The following NHSL2 variants were observed in gnomAD, a reference collection of about 807,000 sequenced individuals.
The protein encoded by NHSL2 is NHS like 2, also known as NHS-like protein 2.
A neutral mutation model predicts 53.4 loss-of-function variants in NHSL2; 27 were observed. The observed-to-expected ratio is 0.51, with a 90% CI of 0.37 to 0.70. The LOEUF (loss-of-function observed/expected upper bound fraction) is 0.70, where lower values mean the gene tolerates loss of function less well. Ranked by LOEUF, NHSL2 falls within the 30% of genes least tolerant of loss-of-function variation. NHSL2 has a pLI of 0.00. For missense variants in NHSL2, 892 were observed against 980.1 expected, an observed-to-expected ratio of 0.91 and a Z score of 1.20; for synonymous variants, 408 against 404.1, an observed-to-expected ratio of 1.01 and a Z score of -0.12.
At chrX:71,983,113 A>C (rs2041987159) in intron 1 of NHSL2, among the ~76,000 whole-genome samples, 1 of 111,550 alleles carries the variant, frequency 9.0e-6, no homozygotes, top group South Asian at 3.8e-4. Context: ...AAAATCCCAC[A>C]CATTTGGTTA....
intron 1 of NHSL2, among the ~76,000 whole-genome samples, chrX:72,097,712 C>T (rs1165431522): frequency 8.9e-6 from 1 of 111,899 alleles, no homozygotes; most frequent in Non-Finnish European, 1.9e-5. Flanking sequence ...CTGAGGTTCC[C>T]ATCTGCCCTG....
intron 1 of NHSL2, among the ~76,000 whole-genome samples, chrX:72,023,917 T>A (rs1211289916): frequency 9.0e-6 from 1 of 110,789 alleles, no homozygotes; most frequent in African/African-American, 3.3e-5. Context: ...TAGGAGGAAA[T>A]GGAACCGACG....
chrX:72,086,821 T>C (rs1054656675), intron 1 of NHSL2, among the ~76,000 whole-genome samples: 1 of 110,660 alleles, frequency 9.0e-6, no homozygotes, highest in African/African-American at 3.3e-5. Context: ...CTCATTACAG[T>C]AAAGCTGATT....
chrX:71,950,434 G>GA (rs2041815197), intron 1 of NHSL2, among the ~76,000 whole-genome samples: 2 of 112,494 alleles, frequency 1.8e-5, no homozygotes, highest in African/African-American at 6.5e-5. Flanking sequence ...ACTGGGACTG[G>GA]AAAAAAAGCA....
chrX:71,984,721 T>A lies in NHSL2; in HGVS notation c.280+73354T>A, dbSNP rs766730173. 1.2e-4 allele frequency among the ~76,000 whole-genome samples: 14 copies of A among 112,791 alleles called. No homozygotes were observed. In the South Asian group the frequency reaches 5.1e-3, roughly 41 times the overall value. On this transcript the variant is annotated intron_variant, in intron 1 of 7. Transcript: ENST00000633930. ...AAGGTAAATCATGGTAAGACTGATTTGCTTTATTATACCTGGTTGGACTGT... is the reference window on the plus strand; with the variant it reads ...AAGGTAAATCATGGTAAGACTGATTAGCTTTATTATACCTGGTTGGACTGT...
chrX:72,131,700 C>G, intron 1 of NHSL2: 2 of 431,390 alleles, frequency 4.6e-6, no homozygotes, highest in Non-Finnish European at 7.1e-6. Flanking sequence ...GGGGCGAGCT[C>G]GGAGGGCGGC....
chrX:71,917,013 T>G (rs1274893891), intron 1 of NHSL2, among the ~76,000 whole-genome samples: 10 of 111,872 alleles, frequency 8.9e-5, no homozygotes, highest in Admixed American at 7.6e-4. Context: ...TCTGTGGAAC[T>G]CCACAATTTC....
chrX:71,912,554 A>T (rs965896762), intron 1 of NHSL2, among the ~76,000 whole-genome samples: 1 of 104,907 alleles, frequency 9.5e-6, no homozygotes, highest in Non-Finnish European at 2.0e-5. Context: ...GAAGGACTGG[A>T]GTCAGGCCCT....
chrX:71,968,496 T>A (rs905105410), intron 1 of NHSL2, among the ~76,000 whole-genome samples: 15 of 112,605 alleles, frequency 1.3e-4, no homozygotes, highest in Admixed American at 3.7e-4. Context: ...CTTTCTGCCC[T>A]TTTTTGTATG....
chrX:72,085,621 T>C (rs1038471570), intron 1 of NHSL2, among the ~76,000 whole-genome samples: 1 of 111,930 alleles, frequency 8.9e-6, no homozygotes, highest in Admixed American at 9.5e-5. Flanking sequence ...AGCAAAACTT[T>C]CTTGGTTTGA....
chrX:71,986,589 G>T (rs1232330361), intron 1 of NHSL2, among the ~76,000 whole-genome samples: 2 of 111,887 alleles, frequency 1.8e-5, no homozygotes, highest in Non-Finnish European at 3.8e-5. Flanking sequence ...TTTCATATTT[G>T]CATTAGTGCA....
chrX:71,985,261 CTGTCAGAAGG>C (rs1212492700), intron 1 of NHSL2, among the ~76,000 whole-genome samples: 1 of 111,806 alleles, frequency 8.9e-6, no homozygotes, highest in East Asian at 2.8e-4. Context: ...GCTCCTGGGC[CTGTCAGAAGG>C]TGACATTCTT....
At chrX:72,105,480 A>T (rs1326620105) in intron 1 of NHSL2, among the ~76,000 whole-genome samples, 1 of 111,337 alleles carries the variant, frequency 9.0e-6, no homozygotes, top group Admixed American at 9.5e-5. Context: ...CTTTCCCCCA[A>T]CCTCTCTCAC....
intron 1 of NHSL2, among the ~76,000 whole-genome samples, chrX:72,118,203 A>G (rs890276487): frequency 1.8e-5 from 2 of 111,621 alleles, no homozygotes; most frequent in Non-Finnish European, 3.8e-5. Context: ...GGTTTTTATT[A>G]GCATTTCCCT....
At chrX:71,941,376 A>G (rs887670394) in intron 1 of NHSL2, among the ~76,000 whole-genome samples, 2 of 111,344 alleles carry the variant, frequency 1.8e-5, no homozygotes, top group African/African-American at 6.5e-5. Context: ...TCAGGGATCT[A>G]TGTCTGGTCC....
intron 1 of NHSL2, among the ~76,000 whole-genome samples, chrX:71,947,815 A>G (rs1000133573): frequency 1.8e-5 from 2 of 111,937 alleles, no homozygotes; most frequent in African/African-American, 6.5e-5. Flanking sequence ...AACGTCGTAT[A>G]TTCTCACTCA....
chrX:71,943,971 A>G (rs191803325), intron 1 of NHSL2, among the ~76,000 whole-genome samples: 189 of 111,953 alleles, frequency 1.7e-3, no homozygotes, highest in African/African-American at 5.9e-3. Context: ...AGAAGGAGCA[A>G]AGGTTTTCTG....
intron 1 of NHSL2, among the ~76,000 whole-genome samples, chrX:71,927,903 C>G (rs2041693790): frequency 8.9e-6 from 1 of 112,026 alleles, no homozygotes; most frequent in African/African-American, 3.2e-5. Flanking sequence ...AGCCTGACAT[C>G]TCTTTCCATT....
intron 1 of NHSL2, among the ~76,000 whole-genome samples, chrX:72,101,005 G>A (rs1198275138): frequency 1.8e-5 from 2 of 108,689 alleles, no homozygotes; most frequent in Non-Finnish European, 3.8e-5. Flanking sequence ...TGTTCACAGC[G>A]TCTCATCACA....
Sources: gnomAD v4.1 joint callset for allele counts (sites outside exome capture counted in the v4.1 genomes callset) on GRCh38, gnomAD v4.1.1 for gene constraint, MANE v1.5 for transcripts, NCBI Gene and HGNC (gene_info 2026-07-23, HGNC 2026-07-21) for gene names.